KIF16B: variants seen among roughly 807,000 people sequenced by gnomAD.
KIF16B encodes kinesin-like protein KIF16B.
KIF16B carries 98 observed loss-of-function variants against 156.3 expected under a neutral mutation model. The ratio of observed to expected loss-of-function variants is 0.63; its 90% CI spans 0.53 to 0.74. The LOEUF (loss-of-function observed/expected upper bound fraction) is 0.74. Among genes scored for constraint, KIF16B ranks in the 30% least tolerant of loss-of-function variants. The probability of loss-of-function intolerance (pLI) is 0.00; values close to 1 mark genes in which losing one functional copy is unlikely to be tolerated. For missense variants in KIF16B, 1,421 were observed against 1,606.5 expected (o/e 0.88, Z 1.97); for synonymous variants, 564 against 583.7 (o/e 0.97, Z 0.49).
chr20:16,447,975 G>T (rs914370654), intron 12 of KIF16B, among the ~76,000 whole-genome samples: 8 of 152,130 alleles, frequency 5.3e-5, no homozygotes, highest in Non-Finnish European at 1.2e-4. Flanking sequence ...AACATGGACA[G>T]GTGTGTGAAG....
intron 12 of KIF16B, among the ~76,000 whole-genome samples, chr20:16,451,783 T>A (rs189711527): frequency 4.9e-4 from 74 of 151,812 alleles, no homozygotes; most frequent in Non-Finnish European, 8.0e-4. Context: ...ACTTTTTTTT[T>A]ATTCAGGCCT....
intron 12 of KIF16B, among the ~76,000 whole-genome samples, chr20:16,455,486 A>T (rs950557565): frequency 1.3e-5 from 2 of 152,212 alleles, no homozygotes; most frequent in African/African-American, 4.8e-5. Flanking sequence ...CAAATAAAGG[A>T]GGAAGGGATG....
At chr20:16,284,536 A>G (rs1169754751) in intron 25 of KIF16B, among the ~76,000 whole-genome samples, 1 of 152,146 alleles carries the variant, frequency 6.6e-6, no homozygotes, top group Non-Finnish European at 1.5e-5. Flanking sequence ...TGACACTTCA[A>G]ATCTCCGCTT....
intron 15 of KIF16B, among the ~76,000 whole-genome samples, chr20:16,422,902 T>A (rs930756473): frequency 7.2e-5 from 11 of 151,986 alleles, no homozygotes; most frequent in African/African-American, 2.2e-4. Context: ...AAAGAAAAAA[T>A]TTCTTTAAAA....
intron 23 of KIF16B, among the ~76,000 whole-genome samples, chr20:16,347,422 T>C (rs933164016): frequency 1.3e-5 from 2 of 152,214 alleles, no homozygotes; most frequent in African/African-American, 4.8e-5. Flanking sequence ...AAATAATAAC[T>C]GCTTTTCTTC....
intron 12 of KIF16B, among the ~76,000 whole-genome samples, chr20:16,442,941 T>C (rs2146540057): frequency 1.3e-5 from 2 of 152,346 alleles, no homozygotes; most frequent in South Asian, 4.1e-4. Flanking sequence ...CAAGGCACGC[T>C]GGTGAGTAGG....
At chr20:16,548,575 G>C (rs986701315) in intron 1 of KIF16B, among the ~76,000 whole-genome samples, 5 of 152,200 alleles carry the variant, frequency 3.3e-5, no homozygotes, top group African/African-American at 9.6e-5. Flanking sequence ...AGGGATCTAG[G>C]TTGCAACCTC....
chr20:16,272,685 A>T lies in KIF16B; in HGVS notation c.*568T>A, dbSNP rs2122215726. The T allele has an allele frequency of 6.5e-6, 1 of 152,870 alleles. No individual in the cohort carries two copies. Among genetic ancestry groups the T allele is most frequent in the East Asian group, 1.9e-4 (1 of 5,192 alleles). The allele number at this position is 152,870 out of a possible 1,614,324, so 9.5% of individuals were successfully genotyped here. Reference sequence around the variant, plus strand: ...CAAAAAATCCCTTTTGCAGAATATGAAATTCTGTGTAAACATCAGTGTTTG... The same window carrying T: ...CAAAAAATCCCTTTTGCAGAATATGTAATTCTGTGTAAACATCAGTGTTTG... On this transcript the variant is annotated 3_prime_UTR_variant, in exon 26 of 26. Transcript: ENST00000354981.
At chr20:16,480,287 G>A (rs766525857) in intron 12 of KIF16B, among the ~76,000 whole-genome samples, 1 of 152,162 alleles carries the variant, frequency 6.6e-6, no homozygotes, top group South Asian at 2.1e-4. Context: ...CAGGGTCCTC[G>A]CACCCAAGAC....
intron 23 of KIF16B, among the ~76,000 whole-genome samples, chr20:16,339,472 T>C (rs1290964410): frequency 6.6e-6 from 1 of 152,140 alleles, no homozygotes; most frequent in Non-Finnish European, 1.5e-5. Flanking sequence ...CCTCATCCCA[T>C]CTCACGGCAT....
At chr20:16,418,485 C>T (rs1482488863) in intron 15 of KIF16B, among the ~76,000 whole-genome samples, 2 of 152,144 alleles carry the variant, frequency 1.3e-5, no homozygotes, top group East Asian at 3.9e-4. Flanking sequence ...GAAACCAGCC[C>T]ATTGGAAAGA....
intron 23 of KIF16B, among the ~76,000 whole-genome samples, chr20:16,336,271 A>G (rs1384662971): frequency 2.0e-5 from 3 of 152,152 alleles, no homozygotes; most frequent in African/African-American, 7.2e-5. Flanking sequence ...GTCATCTCTT[A>G]ATTGGTTATA....
intron 17 of KIF16B, chr20:16,382,225 C>A: frequency 1.4e-6 from 1 of 696,384 alleles, no homozygotes; most frequent in South Asian, 1.8e-5. Context: ...AGGAGAAAAG[C>A]AGTAAGGTAC....
intron 22 of KIF16B, among the ~76,000 whole-genome samples, chr20:16,357,786 C>T (rs1249650714): frequency 2.0e-5 from 3 of 152,222 alleles, no homozygotes; most frequent in South Asian, 2.1e-4. Flanking sequence ...ATGAAGTTTC[C>T]GAAGCCTGTT....
chr20:16,526,049 T>A, intron 3 of KIF16B, 43 bp downstream of exon 3: 1 of 1,130,478 alleles, frequency 8.8e-7, no homozygotes, highest in Non-Finnish European at 1.3e-6. Context: ...TTTTTCTCAA[T>A]GTGAAAATAA....
intron 12 of KIF16B, among the ~76,000 whole-genome samples, chr20:16,468,400 C>T (rs13044891): frequency 0.22 from 33,247 of 151,418 alleles, 3,730 homozygotes; most frequent in Admixed American, 0.26. Context: ...GGCGAAACTC[C>T]GTCTCTATCA....
At chr20:16,564,759 T>C (rs1384219161) in intron 1 of KIF16B, among the ~76,000 whole-genome samples, 1 of 151,834 alleles carries the variant, frequency 6.6e-6, no homozygotes, top group Non-Finnish European at 1.5e-5. Flanking sequence ...CATCTCTCCA[T>C]TAACTGGAAG....
intron 19 of KIF16B, among the ~76,000 whole-genome samples, 168 bp from the exon 20 acceptor site, chr20:16,374,577 A>C (rs1419951904): frequency 6.6e-6 from 1 of 152,190 alleles, no homozygotes; most frequent in Admixed American, 6.5e-5. Flanking sequence ...GACAAGACAT[A>C]AAGTGCCATG....
intron 12 of KIF16B, among the ~76,000 whole-genome samples, chr20:16,434,224 CT>C (rs1230155804): frequency 2.0e-5 from 3 of 152,202 alleles, no homozygotes; most frequent in Non-Finnish European, 2.9e-5. Flanking sequence ...AACACATGCC[CT>C]TTGCTGGGAC....
Sources: allele counts gnomAD v4.1 joint callset (sites outside exome capture counted in the v4.1 genomes callset), GRCh38; gene constraint gnomAD v4.1.1; transcripts MANE v1.5; gene names NCBI Gene and HGNC (gene_info 2026-07-23, HGNC 2026-07-21).